MGAT4C: variants seen among roughly 807,000 people sequenced by gnomAD.
MGAT4C encodes alpha-1,3-mannosyl-glycoprotein 4-beta-N-acetylglucosaminyltransferase C.
A neutral mutation model predicts 40.1 loss-of-function variants in MGAT4C; 19 were observed. That is an observed-to-expected ratio of 0.47 (90% CI 0.33 to 0.70). The LOEUF is 0.70. Among genes scored for constraint, MGAT4C ranks in the 30% least tolerant of loss-of-function variants. The pLI is 0.02. For missense variants in MGAT4C, 491 were observed against 563.2 expected (o/e 0.87, Z 1.30); for synonymous variants, 181 against 187.1 (o/e 0.97, Z 0.27).
At chr12:86,203,634 A>G (rs1950133558) in intron 1 of MGAT4C, among the ~76,000 whole-genome samples, 2 of 152,104 alleles carry the variant, frequency 1.3e-5, no homozygotes, top group Admixed American at 6.6e-5. Flanking sequence ...GCTCGTCTGT[A>G]TGTATTTTCC....
intron 2 of MGAT4C, among the ~76,000 whole-genome samples, chr12:86,449,058 T>C (rs1379912713): frequency 1.3e-5 from 2 of 152,188 alleles, no homozygotes; most frequent in Admixed American, 6.6e-5. Flanking sequence ...ATATTGTAGA[T>C]GTAGCAAGAA....
intron 1 of MGAT4C, among the ~76,000 whole-genome samples, chr12:86,768,983 A>T (rs927367772): frequency 6.6e-6 from 1 of 151,976 alleles, no homozygotes; most frequent in African/African-American, 2.4e-5. Flanking sequence ...CTAAAACACC[A>T]AAAGCAATGG....
intron 4 of MGAT4C, among the ~76,000 whole-genome samples, chr12:86,324,817 C>T (rs1404454223): frequency 6.6e-6 from 1 of 151,948 alleles, no homozygotes; most frequent in African/African-American, 2.4e-5. Flanking sequence ...GTATGACTCT[C>T]AAGAGATGTG....
chr12:86,145,724 T>C lies in MGAT4C; in HGVS notation c.-56-96001A>G, dbSNP rs114101896. On this transcript the variant is annotated intron_variant, in intron 1 of 4. Transcript: ENST00000611864. The stretch of plus-strand genomic sequence containing the variant: ...ATTTATTTACCTTACCTATTTAATT[T>C]GATCACTTCTGAAAATACTGATGTA... Among the ~76,000 whole-genome samples the C allele has an allele frequency of 2.5e-3, 388 of 152,314 alleles. 1 individual carries two copies. Among genetic ancestry groups the C allele is most frequent in the African/African-American group, 8.7e-3 (362 of 41,574 alleles).
At position 86,673,383 on chromosome 12, in the gene MGAT4C, C is replaced by T. The variant is rs566897864; in HGVS notation, c.-229+53826G>A. Among the ~76,000 whole-genome samples the T allele has an allele frequency of 2.0e-5, 3 of 152,146 alleles. No individual in the cohort carries two copies. The South Asian group carries it at 6.2e-4, about 32-fold the overall frequency. ...TGTTTTGTTTATCATTGTGAGAAAG[C>T]ACCCGTATCATATATCATTCCCTCA... On this transcript the variant is annotated intron_variant, in intron 2 of 7. Coordinates refer to the MGAT4C transcript ENST00000548651.
At chr12:86,521,457 G>T (rs962061675) in intron 2 of MGAT4C, among the ~76,000 whole-genome samples, 3 of 152,054 alleles carry the variant, frequency 2.0e-5, no homozygotes, top group African/African-American at 7.2e-5. Flanking sequence ...GTACTATGCT[G>T]CTCTGTTTAC....
At chr12:86,237,471 C>T (rs1951602894) in intron 1 of MGAT4C, among the ~76,000 whole-genome samples, 1 of 151,808 alleles carries the variant, frequency 6.6e-6, no homozygotes, top group South Asian at 2.1e-4. Context: ...ACATACAATA[C>T]AGCCATAATA....
At chr12:86,782,099 TCTCCTGC>T (rs1198182854) in intron 1 of MGAT4C, among the ~76,000 whole-genome samples, 3 of 151,310 alleles carry the variant, frequency 2.0e-5, no homozygotes, top group Admixed American at 1.3e-4. Flanking sequence ...TTCACACCAT[TCTCCTGC>T]CTCAGCCTTC....
At chr12:86,213,023 T>C (rs1950543203) in intron 1 of MGAT4C, among the ~76,000 whole-genome samples, 1 of 152,066 alleles carries the variant, frequency 6.6e-6, no homozygotes, top group Non-Finnish European at 1.5e-5. Context: ...ATTGTGTGTT[T>C]TGTAGATTCA....
intron 2 of MGAT4C, among the ~76,000 whole-genome samples, chr12:86,619,458 C>G (rs190237762): frequency 6.6e-6 from 1 of 152,162 alleles, no homozygotes; most frequent in African/African-American, 2.4e-5. Flanking sequence ...AATTCTGATT[C>G]TCTCCCTCTT....
intron 3 of MGAT4C, among the ~76,000 whole-genome samples, chr12:86,376,950 T>C (rs1469815068): frequency 2.6e-5 from 4 of 152,066 alleles, no homozygotes; most frequent in Admixed American, 6.6e-5. Context: ...GTGGAATTAA[T>C]GTACTTTATT....
intron 2 of MGAT4C, among the ~76,000 whole-genome samples, chr12:86,472,066 A>C (rs1367591163): frequency 2.0e-5 from 3 of 152,174 alleles, no homozygotes; most frequent in African/African-American, 7.2e-5. Context: ...TCAATGGTGC[A>C]TACTTTACCT....
At chr12:86,452,330 A>G (rs777922844) in intron 2 of MGAT4C, among the ~76,000 whole-genome samples, 1 of 151,434 alleles carries the variant, frequency 6.6e-6, no homozygotes, top group Non-Finnish European at 1.5e-5. Flanking sequence ...TACATTAGGC[A>G]TATCTCTTAA....
chr12:86,077,533 T>G (rs1869979350), intron 1 of MGAT4C, among the ~76,000 whole-genome samples: 1 of 152,080 alleles, frequency 6.6e-6, no homozygotes, highest in South Asian at 2.1e-4. Context: ...ATTTCTGGAG[T>G]TGCTCCTCAC....
intron 1 of MGAT4C, among the ~76,000 whole-genome samples, chr12:86,077,281 T>C (rs1869917835): frequency 6.6e-6 from 1 of 152,176 alleles, no homozygotes; most frequent in African/African-American, 2.4e-5. Flanking sequence ...AATAAGTTCA[T>C]AATAATATCT....
intron 3 of MGAT4C, among the ~76,000 whole-genome samples, chr12:86,411,975 T>C (rs974491595): frequency 2.0e-5 from 3 of 152,072 alleles, no homozygotes; most frequent in Non-Finnish European, 2.9e-5. Context: ...CTCCAAAGAG[T>C]GCCAGTCCTA....
intron 1 of MGAT4C, among the ~76,000 whole-genome samples, chr12:86,828,732 T>G (rs560501490): frequency 6.6e-6 from 1 of 151,592 alleles, no homozygotes; most frequent in South Asian, 2.1e-4. Context: ...CTAAAAACAT[T>G]ATGCTAAGCA....
chr12:86,140,227 C>T (rs377383800), intron 1 of MGAT4C, among the ~76,000 whole-genome samples: 1 of 152,116 alleles, frequency 6.6e-6, no homozygotes. Flanking sequence ...TTTCTGGACT[C>T]TTCAGAATTG....
In MGAT4C at chr12:85,979,958, C is replaced by T. The variant is rs368524858; in HGVS notation, c.768G>A (p.Lys256=). Residue 256 remains lysine (K), a synonymous_variant, in exon 5 of 5, where the codon AAG becomes AAA. Coordinates refer to ENST00000611864, the MANE Select transcript of MGAT4C (RefSeq NM_001351288.2). ...GATAGAGTTTACCAATGTAGCCAAG[C>T]TTAGAGAATTCAAGAGTTACCCAGT... ...GTYWVTLEFS[K]LGYIGKLYHS... 282 of 1,613,644 alleles carry T rather than the reference C, an allele frequency of 1.7e-4. No individual in the cohort carries two copies. The highest frequency in any genetic ancestry group is 2.2e-4 in the Non-Finnish European group (255 of 1,179,854).
Sources: gnomAD v4.1 joint callset for allele counts (sites outside exome capture counted in the v4.1 genomes callset) on GRCh38, gnomAD v4.1.1 for gene constraint, MANE v1.5 for transcripts, NCBI Gene and HGNC (gene_info 2026-07-23, HGNC 2026-07-21) for gene names.